DHX30: variants seen among roughly 807,000 people sequenced by gnomAD.
DHX30 encodes ATP-dependent RNA helicase DHX30.
DHX30 carries 4 observed loss-of-function variants against 116.9 expected under a neutral mutation model. That is an observed-to-expected ratio of 0.03 (90% CI 0.02 to 0.08). The LOEUF (loss-of-function observed/expected upper bound fraction) is 0.08. DHX30 is among the 10% of genes least tolerant of loss of function. The pLI is 1.00. For missense variants in DHX30, 871 were observed against 1,595.1 expected (o/e 0.55, Z 7.73); for synonymous variants, 697 against 651.7 (o/e 1.07, Z -1.06).
At chr3:47,827,015 A>G (rs941497607) in intron 4 of DHX30, among the ~76,000 whole-genome samples, 3 of 152,202 alleles carry the variant, frequency 2.0e-5, no homozygotes, top group Non-Finnish European at 4.4e-5. Context: ...TCTTTCAGAC[A>G]TCAGACTGGG....
At chr3:47,819,195 C>CTTTT (rs543182585) in intron 4 of DHX30, 8 of 1,205,596 alleles carry the variant, frequency 6.6e-6, no homozygotes, top group South Asian at 1.3e-5. Flanking sequence ...GTTGATTGCC[C>CTTTT]TTTTTTTTTT....
chr3:47,819,030 A>C (rs891649530), intron 4 of DHX30, among the ~76,000 whole-genome samples: 2 of 152,110 alleles, frequency 1.3e-5, no homozygotes, highest in African/African-American at 4.8e-5. Context: ...CAGTTTCTGC[A>C]GCCCATGCTG....
At position 47,845,863 on chromosome 3, in the gene DHX30, C is replaced by T; in HGVS notation, c.1092+11C>T. The stretch of plus-strand genomic sequence containing the variant: ...ACCTTCCTGAACCATGTAAGAGGCC[C>T]TGCATCCCTCACCACCCCTGCTCCC... On this transcript the variant is annotated intron_variant, in intron 10 of 21. Transcript: ENST00000445061. 6.3e-7 allele frequency: 1 copy of T among 1,591,556 alleles called. No individual in the cohort carries two copies. Among genetic ancestry groups the T allele is most frequent in the African/African-American group, 1.3e-5 (1 of 74,600 alleles).
rs780368035 is a variant in DHX30 at position 47,849,863 on chromosome 3, T to C, written c.3332-4T>C. On this transcript the variant is annotated splice_polypyrimidine_tract_variant and splice_region_variant and intron_variant, in intron 21 of 21. Coordinates refer to ENST00000445061, the MANE Select transcript of DHX30 (RefSeq NM_138615.3). ...GTTCCCCACCATCTTTTCCATTCCCTCAGATGACGGGCGCCGGGCCACCAT... is the reference window on the plus strand; with the variant it reads ...GTTCCCCACCATCTTTTCCATTCCCCCAGATGACGGGCGCCGGGCCACCAT... 11 of 1,611,548 alleles carry C rather than the reference T, an allele frequency of 6.8e-6. No individual in the cohort carries two copies. The highest frequency in any genetic ancestry group is 1.7e-6 in the Non-Finnish European group (2 of 1,178,308).
rs1170377365 is a variant in DHX30 at position 47,843,355 on chromosome 3, A to C, written c.939+100A>C. 1.9e-5 allele frequency: 28 copies of C among 1,497,190 alleles called. No homozygotes were observed. The East Asian group carries it at 5.6e-4, about 30-fold the overall frequency. The allele number at this position is 1,497,190 out of a possible 1,614,324, so 92.7% of individuals were successfully genotyped here. On this transcript the variant is annotated intron_variant, in intron 9 of 21. Coordinates refer to ENST00000445061, the MANE Select transcript of DHX30 (RefSeq NM_138615.3). Reference sequence around the variant, plus strand: ...CCATTTTCTAGGAAATGAAACCACCACAGCAGGCCTTTTGCCTGGCACAAA... The same window carrying C: ...CCATTTTCTAGGAAATGAAACCACCCCAGCAGGCCTTTTGCCTGGCACAAA...
intron 2 of DHX30, among the ~76,000 whole-genome samples, chr3:47,805,932 A>T (rs1318582431): frequency 6.6e-6 from 1 of 152,158 alleles, no homozygotes; most frequent in Non-Finnish European, 1.5e-5. Flanking sequence ...TTCATTATGC[A>T]GGAAATCTTG....
At chr3:47,842,386 C>A (rs1044836642) in intron 8 of DHX30, 1 of 152,576 alleles carries the variant, frequency 6.6e-6, no homozygotes, top group African/African-American at 2.4e-5. Context: ...ACCTTGAGTT[C>A]GTGTCTGGCG....
At chr3:47,806,361 C>G (rs1349222538) in intron 2 of DHX30, among the ~76,000 whole-genome samples, 1 of 150,784 alleles carries the variant, frequency 6.6e-6, no homozygotes, top group Non-Finnish European at 1.5e-5. Flanking sequence ...TCAGGCTAAC[C>G]TCAAACTCCT....
chr3:47,841,227 C>T (rs373040047), intron 7 of DHX30, 49 bp downstream of exon 7: 136 of 1,594,870 alleles, frequency 8.5e-5, no homozygotes, highest in Admixed American at 3.7e-4. Flanking sequence ...TGCCTTGACA[C>T]GGGGATGGGC....
intron 9 of DHX30, among the ~76,000 whole-genome samples, chr3:47,843,799 AG>A (rs1281035101): frequency 6.6e-6 from 1 of 152,192 alleles, no homozygotes; most frequent in African/African-American, 2.4e-5. Context: ...CCTAGGCTTA[AG>A]CGATCCTTTC....
At chr3:47,835,744 C>T (rs756224301) in intron 6 of DHX30, among the ~76,000 whole-genome samples, 23 of 152,214 alleles carry the variant, frequency 1.5e-4, no homozygotes, top group Admixed American at 2.6e-4. Flanking sequence ...GCCTGGCTCT[C>T]TTTTGGGTTT....
intron 3 of DHX30, among the ~76,000 whole-genome samples, chr3:47,814,648 G>A (rs1380758267): frequency 4.6e-5 from 7 of 151,614 alleles, no homozygotes; most frequent in Non-Finnish European, 1.0e-4. Flanking sequence ...AGCCTCCCGA[G>A]TAGCTGGGAC....
chr3:47,832,975 G>A (rs998207958), intron 6 of DHX30, among the ~76,000 whole-genome samples: 14 of 145,254 alleles, frequency 9.6e-5, no homozygotes, highest in African/African-American at 3.6e-4. Context: ...TGTAGAGATG[G>A]TGTCCCGCTA....
At chr3:47,835,842 A>C (rs1291029306) in intron 6 of DHX30, among the ~76,000 whole-genome samples, 1 of 152,082 alleles carries the variant, frequency 6.6e-6, no homozygotes, top group Non-Finnish European at 1.5e-5. Context: ...GTCTGCCTGC[A>C]CTTTCTAGTA....
rs1445272259 is a variant in DHX30 at position 47,840,952 on chromosome 3, T to A, written c.442T>A (p.Ser148Thr). The change falls in exon 7 of 22, where the codon TCC (serine) becomes ACC (threonine). Residue 148 changes from serine (S) to threonine (T), a missense_variant. Physicochemically the swap from Ser to Thr is moderately conservative, Grantham distance 58. Coordinates refer to ENST00000445061, the MANE Select transcript of DHX30 (RefSeq NM_138615.3). ...KYRVLADRFG[S>T]PADSWWRPEP... Reference sequence around the variant, plus strand: ...CCGAGTGCTAGCTGATCGCTTTGGCTCCCCTGCCGACAGCTGGTGGCGTCC... The same window carrying A: ...CCGAGTGCTAGCTGATCGCTTTGGCACCCCTGCCGACAGCTGGTGGCGTCC... 1.9e-6 allele frequency: 3 copies of A among 1,614,160 alleles called. No homozygotes were observed. Among genetic ancestry groups the A allele is most frequent in the African/African-American group, 2.7e-5 (2 of 75,014 alleles).
intron 2 of DHX30, among the ~76,000 whole-genome samples, chr3:47,806,173 T>C (rs2035512279): frequency 6.8e-6 from 1 of 147,028 alleles, no homozygotes; most frequent in East Asian, 2.0e-4. Flanking sequence ...GATGGGAGTC[T>C]CACTCTGTTG....
chr3:47,827,196 A>T, intron 4 of DHX30, 151 bp from the exon 5 acceptor site: 1 of 693,970 alleles, frequency 1.4e-6, no homozygotes, highest in Non-Finnish European at 2.3e-6. Flanking sequence ...CCCTGAAGTC[A>T]TTCCTCTTTT....
chr3:47,817,889 T>C (rs1288751884), intron 3 of DHX30, 133 bp from the exon 4 acceptor site: 1 of 753,218 alleles, frequency 1.3e-6, no homozygotes, highest in Admixed American at 1.8e-5. Flanking sequence ...TCAGAACCTG[T>C]GGCTGCTCCC....
intron 4 of DHX30, among the ~76,000 whole-genome samples, chr3:47,825,567 G>A (rs1010357270): frequency 6.6e-6 from 1 of 152,238 alleles, no homozygotes; most frequent in Non-Finnish European, 1.5e-5. Flanking sequence ...GGACAAGCAT[G>A]CCCTCACCAG....
Sources: allele counts gnomAD v4.1 joint callset (sites outside exome capture counted in the v4.1 genomes callset), GRCh38; gene constraint gnomAD v4.1.1; transcripts MANE v1.5; gene names NCBI Gene and HGNC (gene_info 2026-07-23, HGNC 2026-07-21).